OSBPL9: variants seen among roughly 807,000 people sequenced by gnomAD.
OSBPL9 encodes oxysterol binding protein like 9.
In OSBPL9, 40 loss-of-function variants were observed where a neutral mutation model predicts 106.6. The observed-to-expected ratio is 0.38, with a 90% CI of 0.29 to 0.49. OSBPL9 has a LOEUF of 0.49. OSBPL9 is among the 20% of genes least tolerant of loss of function. The pLI, the probability that OSBPL9 is intolerant of heterozygous loss-of-function variation, is 0.97. For synonymous variants in OSBPL9, 269 were observed against 295.4 expected (o/e 0.91, Z 0.92); for missense variants, 609 against 887.2 (o/e 0.69, Z 3.98).
intron 4 of OSBPL9, chr1:51,740,176 G>A (rs1175500091): frequency 6.5e-7 from 1 of 1,545,066 alleles, no homozygotes; most frequent in Non-Finnish European, 8.7e-7. Context: ...CCAGTCTTCT[G>A]GTATCTCTCC....
At chr1:51,772,040 G>A (rs750121059) in intron 12 of OSBPL9, 30 bp from the exon 13 acceptor site, 1 of 1,556,750 alleles carries the variant, frequency 6.4e-7, no homozygotes, top group Non-Finnish European at 8.8e-7. Flanking sequence ...GCTTTCTTTA[G>A]CTTAAATAAG....
the OSBPL9 span, among the ~76,000 whole-genome samples, chr1:51,540,433 G>A: frequency 6.8e-4 from 103 of 151,704 alleles, no homozygotes; most frequent in Non-Finnish European, 1.2e-3. Flanking sequence ...GAGGTGGGCA[G>A]ATCACGAGGT....
At chr1:51,529,641 T>C in the OSBPL9 span, among the ~76,000 whole-genome samples, 1 of 151,990 alleles carries the variant, frequency 6.6e-6, no homozygotes, top group Non-Finnish European at 1.5e-5. Context: ...TATACATTAA[T>C]AGTCAATTGA....
At chr1:51,733,377 GT>G (rs1028130982) in intron 4 of OSBPL9, among the ~76,000 whole-genome samples, 1 of 152,146 alleles carries the variant, frequency 6.6e-6, no homozygotes, top group Admixed American at 6.5e-5. Flanking sequence ...CTGGAGTTAG[GT>G]TTTTCCCTGT....
At chr1:51,587,369 TA>T (rs903543386) in intron 1 of OSBPL9, among the ~76,000 whole-genome samples, 1 of 151,582 alleles carries the variant, frequency 6.6e-6, no homozygotes, top group African/African-American at 2.4e-5. Flanking sequence ...CGTCTCAAAA[TA>T]AAAAAAAGAA....
At chr1:51,625,494 A>G (rs1000560540) in intron 1 of OSBPL9, among the ~76,000 whole-genome samples, 6 of 151,504 alleles carry the variant, frequency 4.0e-5, no homozygotes, top group African/African-American at 1.5e-4. Flanking sequence ...TTTCCTTCTC[A>G]TTTATTTAAT....
intron 1 of OSBPL9, among the ~76,000 whole-genome samples, chr1:51,618,246 T>G (rs1644204534): frequency 6.6e-6 from 1 of 152,108 alleles, no homozygotes; most frequent in South Asian, 2.1e-4. Flanking sequence ...CTTGAACTCC[T>G]GACCTCAGGT....
chr1:51,728,241 G>A (rs181514101), intron 4 of OSBPL9, among the ~76,000 whole-genome samples: 14 of 152,290 alleles, frequency 9.2e-5, no homozygotes, highest in Admixed American at 1.3e-4. Flanking sequence ...TTTAATTGGG[G>A]GAGGCAATGA....
chr1:51,669,106 A>C (rs1370526408), intron 2 of OSBPL9, among the ~76,000 whole-genome samples: 1 of 152,124 alleles, frequency 6.6e-6, no homozygotes, highest in African/African-American at 2.4e-5. Flanking sequence ...CATTTTAGAG[A>C]GCATTCTGAA....
chr1:51,540,519 T>C, the OSBPL9 span, among the ~76,000 whole-genome samples: 1 of 150,598 alleles, frequency 6.6e-6, no homozygotes, highest in Non-Finnish European at 1.5e-5. Context: ...CTGGGCGTGG[T>C]GGCGCACGCC....
intron 4 of OSBPL9, among the ~76,000 whole-genome samples, chr1:51,732,029 TG>T (rs1403193750): frequency 2.0e-5 from 3 of 152,256 alleles, no homozygotes; most frequent in Admixed American, 2.0e-4. Context: ...ATTTTTCAAA[TG>T]TTTTTTAATG....
intron 2 of OSBPL9, among the ~76,000 whole-genome samples, chr1:51,601,424 T>C (rs1645324888): frequency 6.6e-6 from 1 of 152,206 alleles, no homozygotes; most frequent in African/African-American, 2.4e-5. Flanking sequence ...ACACTAGCTA[T>C]TGGGAGGCAA....
At chr1:51,624,354 G>A (rs1308296685) in intron 1 of OSBPL9, among the ~76,000 whole-genome samples, 3 of 152,126 alleles carry the variant, frequency 2.0e-5, no homozygotes, top group Non-Finnish European at 2.9e-5. Flanking sequence ...TTTGGGAGTC[G>A]AGGCAGGTGG....
At chr1:51,519,451 C>T in the OSBPL9 span, 8,285 of 175,378 alleles carry the variant, frequency 0.047, 708 homozygotes, top group African/African-American at 0.18. Flanking sequence ...ACCCTGGCGC[C>T]GGAGTCTCGG....
chr1:51,641,982 T>A (rs1167737275), intron 1 of OSBPL9, among the ~76,000 whole-genome samples: 1 of 152,178 alleles, frequency 6.6e-6, no homozygotes, highest in Non-Finnish European at 1.5e-5. Context: ...AAAAGGTAAG[T>A]GTCAAGTGGT....
chr1:51,702,488 T>G (rs1657508787), intron 3 of OSBPL9, among the ~76,000 whole-genome samples: 1 of 152,182 alleles, frequency 6.6e-6, no homozygotes, highest in Admixed American at 6.5e-5. Flanking sequence ...CACTTGTTGA[T>G]GGGGTTGTTT....
chr1:51,535,111 C>A, the OSBPL9 span, among the ~76,000 whole-genome samples: 1 of 152,182 alleles, frequency 6.6e-6, no homozygotes, highest in African/African-American at 2.4e-5. Context: ...GAGGGTAAAT[C>A]ATGTGAAGGC....
rs1318728162 is a variant in OSBPL9 at position 51,760,675 on chromosome 1, GTTTC to G, written c.583-11_583-8del. ...ATTTAATTAAAAATAGCTATATTGT[GTTTC>G]TTTATTTTAGAGTACTATTAATCCC... On this transcript the variant is annotated splice_polypyrimidine_tract_variant and intron_variant, in intron 9 of 23. Coordinates refer to ENST00000428468, the MANE Select transcript of OSBPL9 (RefSeq NM_024586.6). 6.2e-7 allele frequency: 1 copy of G among 1,613,198 alleles called. No homozygotes were observed. The highest frequency in any genetic ancestry group is 1.7e-5 in the Admixed American group (1 of 59,946).
At chr1:51,705,395 ATATATTTTTTTTTT>A (rs1222303908) in intron 3 of OSBPL9, among the ~76,000 whole-genome samples, 7 of 53,656 alleles carry the variant, frequency 1.3e-4, no homozygotes, top group African/African-American at 6.0e-4. Context: ...ATATATATAT[ATATATTTTTTTTTT>A]TTTTTTTTTT....
Sources: allele counts gnomAD v4.1 joint callset (sites outside exome capture counted in the v4.1 genomes callset), GRCh38; gene constraint gnomAD v4.1.1; transcripts MANE v1.5; gene names NCBI Gene and HGNC (gene_info 2026-07-23, HGNC 2026-07-21).